Variants in STAP1 observed in about 807,000 individuals in gnomAD.
STAP1 encodes signal transducing adaptor family member 1.
A neutral mutation model predicts 37.8 loss-of-function variants in STAP1; 30 were observed. The observed-to-expected ratio is 0.79, with a 90% CI of 0.59 to 1.08. The LOEUF is 1.08. Among genes scored for constraint, STAP1 ranks in the 50% least tolerant of loss-of-function variants. STAP1 has a pLI of 0.00. For synonymous variants in STAP1, 130 were observed against 116.0 expected, an observed-to-expected ratio of 1.12 and a Z score of -0.78; for missense variants, 357 against 349.4, an observed-to-expected ratio of 1.02 and a Z score of -0.17.
intron 8 of STAP1, among the ~76,000 whole-genome samples, chr4:67,605,997 A>C (rs1728441498): frequency 6.6e-6 from 1 of 152,224 alleles, no homozygotes; most frequent in African/African-American, 2.4e-5. Flanking sequence ...TGGAACAAGA[A>C]TGGTCAAAGA....
chr4:67,569,734 G>T (rs1240138692), intron 1 of STAP1, among the ~76,000 whole-genome samples: 5 of 151,064 alleles, frequency 3.3e-5, no homozygotes, highest in South Asian at 2.1e-4. Flanking sequence ...ATTCCATTTT[G>T]TGTGTGTGTG....
intron 5 of STAP1, among the ~76,000 whole-genome samples, chr4:67,582,712 A>G (rs1727891934): frequency 6.6e-6 from 1 of 152,146 alleles, no homozygotes; most frequent in Non-Finnish European, 1.5e-5. Context: ...CAATGGTTAA[A>G]TGACTTTTTG....
At chr4:67,567,474 T>C (rs1449744130) in intron 1 of STAP1, among the ~76,000 whole-genome samples, 1 of 152,226 alleles carries the variant, frequency 6.6e-6, no homozygotes, top group Non-Finnish European at 1.5e-5. Flanking sequence ...TACCAATTTG[T>C]TCAAGTCTTA....
intron 1 of STAP1, 83 bp downstream of exon 1, chr4:67,559,012 C>A (rs1374578514): frequency 1.2e-5 from 16 of 1,309,650 alleles, no homozygotes; most frequent in African/African-American, 3.0e-5. Flanking sequence ...TGTGTTAAGA[C>A]CTCCTTGTTT....
Position 67,577,218 on chromosome 4 carries a change from A to T in STAP1, c.322A>T (p.Ser108Cys). 1 of 1,610,956 alleles carries T rather than the reference A, an allele frequency of 6.2e-7. No individual in the cohort carries two copies. Among genetic ancestry groups the T allele is most frequent in the Non-Finnish European group, 8.5e-7 (1 of 1,178,592 alleles). The change falls in exon 4 of 9, where the codon AGT becomes TGT. Residue 108 changes from serine to cysteine, a missense_variant. By Grantham distance (112) the Ser-to-Cys change is moderately radical (BLOSUM62 -1). Transcript: ENST00000265404. ...EVQLKTENTE[S>C]GEEWRGFILT... ...TCAACTTTAGACAGAGAACACAGAA[A>T]GTGGGGAAGAATGGAGAGGCTTCAT... is the stretch of plus-strand genomic sequence containing the variant.
At chr4:67,583,408 C>T (rs901178645) in intron 5 of STAP1, among the ~76,000 whole-genome samples, 166 bp from the exon 6 acceptor site, 2 of 152,076 alleles carry the variant, frequency 1.3e-5, no homozygotes, top group East Asian at 3.9e-4. Flanking sequence ...GTGGCACAGG[C>T]TTGTAATAAT....
chr4:67,583,330 G>A (rs564077257), intron 5 of STAP1, among the ~76,000 whole-genome samples: 2 of 152,238 alleles, frequency 1.3e-5, no homozygotes, highest in East Asian at 3.9e-4. Context: ...TAACTTTTCA[G>A]GTTCTCTTTG....
chr4:67,606,509 C>A lies in STAP1; in HGVS notation c.*152C>A. 1.5e-6 allele frequency: 1 copy of A among 650,502 alleles called. No homozygotes were observed. The highest frequency in any genetic ancestry group is 2.5e-6 in the Non-Finnish European group (1 of 398,064). The allele number at this position is 650,502 out of a possible 1,614,324, so 40.3% of individuals were successfully genotyped here. On this transcript the variant is annotated 3_prime_UTR_variant, in exon 9 of 9. Coordinates refer to ENST00000265404, the MANE Select transcript of STAP1 (RefSeq NM_012108.4). ...AATTAGAATTAAACATTGTACCATACAATTTCATTATCTTATCAGAATGAA... is the reference window on the plus strand; with the variant it reads ...AATTAGAATTAAACATTGTACCATAAAATTTCATTATCTTATCAGAATGAA...
chr4:67,603,058 T>C (rs1728378597), intron 8 of STAP1, among the ~76,000 whole-genome samples: 1 of 152,134 alleles, frequency 6.6e-6, no homozygotes, highest in South Asian at 2.1e-4. Context: ...GCAATCTATT[T>C]GGTGCTCTAT....
chr4:67,586,183 G>T (rs1373981888), intron 6 of STAP1, among the ~76,000 whole-genome samples: 1 of 152,108 alleles, frequency 6.6e-6, no homozygotes, highest in Non-Finnish European at 1.5e-5. Context: ...TTTCGGCCAG[G>T]CACGGTGGCT....
chr4:67,601,260 C>CT (rs1214371406), intron 8 of STAP1, among the ~76,000 whole-genome samples: 6 of 152,144 alleles, frequency 3.9e-5, no homozygotes, highest in Non-Finnish European at 7.4e-5. Flanking sequence ...TAGCTCTATA[C>CT]TTTAACTATG....
At chr4:67,576,246 C>T (rs1727717746) in intron 3 of STAP1, among the ~76,000 whole-genome samples, 1 of 152,178 alleles carries the variant, frequency 6.6e-6, no homozygotes, top group South Asian at 2.1e-4. Context: ...GACTCCTAAT[C>T]TCTCTTACCC....
intron 8 of STAP1, among the ~76,000 whole-genome samples, chr4:67,600,092 G>T (rs1728308584): frequency 6.6e-6 from 1 of 151,900 alleles, no homozygotes; most frequent in Non-Finnish European, 1.5e-5. Context: ...TGCATCATTA[G>T]GTTGTTTATT....
In STAP1 at chr4:67,581,373, A is replaced by G. The variant is rs1163459888; in HGVS notation, c.432A>G (p.Arg144=). 6.2e-7 allele frequency: 1 copy of G among 1,614,124 alleles called. No homozygotes were observed. Among genetic ancestry groups the G allele is most frequent in the South Asian group, 1.1e-5 (1 of 91,062 alleles). ...TTAAACTGCATGAAGTCCTAGAGAG[A>G]GAAAAGAAAAGGAGGATTGAGACAG... is the stretch of plus-strand genomic sequence containing the variant. The part of the protein sequence containing the change: ...QVIKLHEVLE[R]EKKRRIETEQ... The change falls in exon 5 of 9, where the codon AGA becomes AGG. Residue 144 remains arginine, a synonymous_variant. Coordinates refer to ENST00000265404, the MANE Select transcript of STAP1 (RefSeq NM_012108.4).
At chr4:67,589,195 G>A (rs1204569903) in intron 6 of STAP1, among the ~76,000 whole-genome samples, 2 of 152,204 alleles carry the variant, frequency 1.3e-5, no homozygotes, top group Non-Finnish European at 2.9e-5. Context: ...ATTATGATGT[G>A]ATAAAGATAA....
At chr4:67,571,414 G>A (rs1466210368) in intron 2 of STAP1, among the ~76,000 whole-genome samples, 3 of 152,058 alleles carry the variant, frequency 2.0e-5, no homozygotes, top group Non-Finnish European at 4.4e-5. Context: ...ACTAAACTTA[G>A]TTAAAAAGTG....
chr4:67,590,052 C>A (rs977324896), intron 6 of STAP1, among the ~76,000 whole-genome samples: 6 of 152,094 alleles, frequency 3.9e-5, no homozygotes. Context: ...CATCCTCATG[C>A]CTTGGCCTCT....
intron 1 of STAP1, among the ~76,000 whole-genome samples, chr4:67,563,143 T>C (rs879730606): frequency 3.9e-5 from 6 of 152,206 alleles, no homozygotes; most frequent in Non-Finnish European, 7.4e-5. Context: ...AAAAGAGCAC[T>C]GGGAAGTCAA....
At chr4:67,599,311 G>T (rs1025352649) in intron 8 of STAP1, among the ~76,000 whole-genome samples, 20 of 152,190 alleles carry the variant, frequency 1.3e-4, no homozygotes, top group African/African-American at 4.1e-4. Context: ...ACATTTGATA[G>T]AATTCAGCAG....
Sources: gnomAD v4.1 joint callset for allele counts (sites outside exome capture counted in the v4.1 genomes callset) on GRCh38, gnomAD v4.1.1 for gene constraint, MANE v1.5 for transcripts, NCBI Gene and HGNC (gene_info 2026-07-23, HGNC 2026-07-21) for gene names.